PTDSS1: variants seen among roughly 807,000 people sequenced by gnomAD.
The protein encoded by PTDSS1 is phosphatidylserine synthase 1, also known as PSS-1.
A neutral mutation model predicts 70.5 loss-of-function variants in PTDSS1; 45 were observed. The ratio of observed to expected loss-of-function variants is 0.64; its 90% CI spans 0.50 to 0.82. The LOEUF is 0.82. PTDSS1 is among the 40% of genes least tolerant of loss of function. The probability of loss-of-function intolerance (pLI) is 0.00; values close to 1 mark genes in which losing one functional copy is unlikely to be tolerated. For missense variants in PTDSS1, 417 were observed against 586.1 expected, an observed-to-expected ratio of 0.71 and a Z score of 2.98; for synonymous variants, 188 against 203.8, an observed-to-expected ratio of 0.92 and a Z score of 0.66.
Position 96,262,752 on chromosome 8 carries a change from C to T in PTDSS1, c.179+533C>T, listed in dbSNP as rs1810428037. On this transcript the variant is annotated intron_variant, in intron 1 of 12. Transcript: ENST00000517309. The surrounding 1 kb of genome is among the most constrained non-coding windows in gnomAD (Gnocchi z 4.4). ...CTATCCGTAACGCACAAAAAATGCACATGTGTGCTGCATACACGGTCTTTC... is the reference window on the plus strand; with the variant it reads ...CTATCCGTAACGCACAAAAAATGCATATGTGTGCTGCATACACGGTCTTTC... 6.6e-6 allele frequency among the ~76,000 whole-genome samples: 1 copy of T among 152,230 alleles called. No individual in the cohort carries two copies. The highest frequency in any genetic ancestry group is 2.4e-5 in the African/African-American group (1 of 41,454).
intron 10 of PTDSS1, among the ~76,000 whole-genome samples, chr8:96,329,112 C>G (rs1282315495): frequency 6.6e-6 from 1 of 152,144 alleles, no homozygotes; most frequent in East Asian, 1.9e-4. Context: ...AAAATTATTT[C>G]CTTGAGAAGG....
rs1811561143 is a variant in PTDSS1, at chr8:96,334,098, G to A, written c.*532G>A. On this transcript the variant is annotated 3_prime_UTR_variant, in exon 13 of 13. Transcript: ENST00000517309. Reference sequence around the variant, plus strand: ...TTTTTAACAGCCTTTAGAAGCCGCTGCTGAAATTGATACTGGGGGAAGGGT... The same window carrying A: ...TTTTTAACAGCCTTTAGAAGCCGCTACTGAAATTGATACTGGGGGAAGGGT... The A allele has an allele frequency of 2.9e-6, 1 of 342,076 alleles. No homozygotes were observed. The highest frequency in any genetic ancestry group is 2.1e-5 in the African/African-American group (1 of 46,864). 21.2% of individuals were successfully genotyped at this position (342,076 alleles called of 1,614,324 possible).
chr8:96,295,292 G>A, intron 5 of PTDSS1, 36 bp downstream of exon 5: 1 of 1,587,760 alleles, frequency 6.3e-7, no homozygotes, highest in Non-Finnish European at 8.6e-7. Flanking sequence ...CCCAGACTGT[G>A]CCATGTGTGT....
chr8:96,261,952 C>A lies in PTDSS1; in HGVS notation c.-89C>A. ...CGCCAGACCCGGCTTTGCCGTCCGG[C>A]TATTAGCCTACTGTGGCTAGTCACC... On this transcript the variant is annotated 5_prime_UTR_variant, in exon 1 of 13. Transcript: ENST00000517309. 7.3e-7 allele frequency: 1 copy of A among 1,373,854 alleles called. No homozygotes were observed. Among genetic ancestry groups the A allele is most frequent in the Non-Finnish European group, 9.9e-7 (1 of 1,010,158 alleles). The allele number at this position is 1,373,854 out of a possible 1,614,324, so 85.1% of individuals were successfully genotyped here.
intron 2 of PTDSS1, chr8:96,283,850 CT>C (rs1289001857): frequency 2.4e-6 from 1 of 408,886 alleles, no homozygotes; most frequent in East Asian, 4.4e-5. Flanking sequence ...TATGTTCTGA[CT>C]TCTCAAGACA....
chr8:96,320,625 G>A (rs550946147), intron 10 of PTDSS1, among the ~76,000 whole-genome samples: 3 of 152,228 alleles, frequency 2.0e-5, no homozygotes, highest in Middle Eastern at 3.4e-3. Context: ...TTGTCTGCAT[G>A]TGCTATGCAT....
chr8:96,312,477 T>C (rs796092344), intron 9 of PTDSS1, among the ~76,000 whole-genome samples: 3 of 137,872 alleles, frequency 2.2e-5, no homozygotes, highest in Admixed American at 7.2e-5. Flanking sequence ...TTTTTTTTTT[T>C]AAAAAAAAAA....
intron 1 of PTDSS1, among the ~76,000 whole-genome samples, chr8:96,267,157 A>C (rs1810498856): frequency 6.6e-6 from 1 of 152,204 alleles, no homozygotes; most frequent in African/African-American, 2.4e-5. Flanking sequence ...ATTGCCCCAG[A>C]TTTCTGTAGA....
rs1810594346 is a variant in PTDSS1 at position 96,273,387 on chromosome 8, A to C, written c.268A>C (p.Asn90His). Residue 90 changes from asparagine to histidine, a missense_variant, in exon 2 of 13, where the codon AAT becomes CAT. Physicochemically the swap from Asn to His is moderately conservative, Grantham distance 68. Around this residue, in one of 3 missense-constraint regions of PTDSS1, gnomAD observed 272 missense variants for 429.5 expected, o/e 0.63. Coordinates refer to ENST00000517309, the MANE Select transcript of PTDSS1 (RefSeq NM_014754.3). Reference sequence around the variant, plus strand: ...TATCATCAGTGTGTTAGCTTTCCCCAATGGTAAGTAATGTCATGCATTACC... The same window carrying C: ...TATCATCAGTGTGTTAGCTTTCCCCCATGGTAAGTAATGTCATGCATTACC... ...FLIISVLAFP[N>H]GPFTRPHPAL... 6.2e-7 allele frequency: 1 copy of C among 1,603,014 alleles called. No individual in the cohort carries two copies. The highest frequency in any genetic ancestry group is 8.5e-7 in the Non-Finnish European group (1 of 1,173,452).
chr8:96,287,303 TC>T, intron 4 of PTDSS1, 157 bp downstream of exon 4: 1 of 963,276 alleles, frequency 1.0e-6, no homozygotes, highest in Non-Finnish European at 1.5e-6. Flanking sequence ...TGCATGGTTG[TC>T]CACAGGTGAT....
At chr8:96,265,642 A>T (rs1006971586) in intron 1 of PTDSS1, among the ~76,000 whole-genome samples, 5 of 152,216 alleles carry the variant, frequency 3.3e-5, no homozygotes, top group African/African-American at 1.2e-4. Flanking sequence ...GCGTGGTGGC[A>T]TGCACCTGGA....
In PTDSS1 at chr8:96,333,635, C is replaced by T. The variant is rs1265450951; in HGVS notation, c.*69C>T. ...AGAGGGAAATGGAACTCATTTGGAA[C>T]TCCCCGTGAGGAGGTCGAGGCGCAC... On this transcript the variant is annotated 3_prime_UTR_variant, in exon 13 of 13. Coordinates refer to ENST00000517309, the MANE Select transcript of PTDSS1 (RefSeq NM_014754.3). 2 of 1,477,004 alleles carry T rather than the reference C, an allele frequency of 1.4e-6. No individual in the cohort carries two copies. The highest frequency in any genetic ancestry group is 2.8e-5 in the African/African-American group (2 of 71,902). 91.5% of individuals were successfully genotyped at this position (1,477,004 alleles called of 1,614,324 possible).
At chr8:96,303,392 C>T (rs1486326659) in intron 6 of PTDSS1, among the ~76,000 whole-genome samples, 2 of 152,132 alleles carry the variant, frequency 1.3e-5, no homozygotes, top group East Asian at 3.9e-4. Context: ...GTGCCTCCAA[C>T]CACTTAGCAC....
At chr8:96,299,024 A>C (rs1482689062) in intron 5 of PTDSS1, among the ~76,000 whole-genome samples, 1 of 151,200 alleles carries the variant, frequency 6.6e-6, no homozygotes, top group Non-Finnish European at 1.5e-5. Context: ...TGGGCAACAG[A>C]GCAAGACTCT....
rs1465897735 is a variant in PTDSS1 at position 96,309,757 on chromosome 8, A to G, written c.1073+135A>G. ...CAGGTGGACTAGATTTTATATATCT[A>G]TATCTATATCTATATATACATAGAT... is the stretch of plus-strand genomic sequence containing the variant. On this transcript the variant is annotated intron_variant, in intron 9 of 12. Transcript: ENST00000517309. 9 of 602,100 alleles carry G rather than the reference A, an allele frequency of 1.5e-5. No individual in the cohort carries two copies. In the South Asian group the frequency reaches 1.7e-4, roughly 12 times the overall value. The allele number at this position is 602,100 out of a possible 1,614,324, so 37.3% of individuals were successfully genotyped here. A position where few individuals can be genotyped will look rare whatever the true frequency, so the allele number is the denominator to read the frequency against.
At chr8:96,304,927 T>A (rs1042264561) in intron 7 of PTDSS1, among the ~76,000 whole-genome samples, 3 of 152,180 alleles carry the variant, frequency 2.0e-5, no homozygotes, top group Non-Finnish European at 2.9e-5. Flanking sequence ...AAGGAAAAAA[T>A]TAGCAGATGT....
At chr8:96,308,123 G>T (rs576863408) in intron 8 of PTDSS1, among the ~76,000 whole-genome samples, 1 of 152,194 alleles carries the variant, frequency 6.6e-6, no homozygotes, top group African/African-American at 2.4e-5. Flanking sequence ...GAGTTTAGAG[G>T]CTTCAGTGTA....
chr8:96,281,176 C>T (rs1489448457), intron 2 of PTDSS1, among the ~76,000 whole-genome samples: 3 of 152,092 alleles, frequency 2.0e-5, no homozygotes, highest in African/African-American at 7.2e-5. Context: ...GCCTCATCCT[C>T]GATTTTTTTT....
At chr8:96,285,552 G>C (rs1378839784) in intron 3 of PTDSS1, among the ~76,000 whole-genome samples, 1 of 152,174 alleles carries the variant, frequency 6.6e-6, no homozygotes, top group Admixed American at 6.5e-5. Flanking sequence ...GAAGTTATAA[G>C]TTATTTTCAG....
Sources: gnomAD v4.1 joint callset for allele counts (sites outside exome capture counted in the v4.1 genomes callset) on GRCh38, gnomAD v4.1.1 for gene constraint, gnomAD v4.1.1 regional missense constraint, Gnocchi (gnomAD v3.1) non-coding constraint, MANE v1.5 for transcripts, NCBI Gene and HGNC (gene_info 2026-07-23, HGNC 2026-07-21) for gene names.